The following REEP3 variants were observed in gnomAD, a reference collection of about 807,000 sequenced individuals.
REEP3 encodes the protein receptor accessory protein 3.
In REEP3, 20 loss-of-function variants were observed where a neutral mutation model predicts 41.3. That is an observed-to-expected ratio of 0.48 (90% CI 0.34 to 0.70). REEP3 has a LOEUF of 0.70. Ranked by LOEUF, REEP3 falls within the 30% of genes least tolerant of loss-of-function variation. REEP3 has a pLI of 0.01. For missense variants in REEP3, 271 were observed against 308.8 expected (o/e 0.88, Z 0.92); for synonymous variants, 104 against 101.8 (o/e 1.02, Z -0.13).
intron 2 of REEP3, among the ~76,000 whole-genome samples, chr10:63,569,136 G>A (rs1311077700): frequency 6.6e-6 from 1 of 152,056 alleles, no homozygotes; most frequent in African/African-American, 2.4e-5. Flanking sequence ...TATTTTAATT[G>A]GAATTCTCTT....
At position 63,525,422 on chromosome 10, in the gene REEP3, CT is replaced by C. The variant is rs1010779668; in HGVS notation, c.32+3858del. Reference sequence around the variant, plus strand: ...ACAGGCAAGATTGACAGATTAGTTACTTTTTTTTTTTTTGAGACGGAGTTTT... The same window carrying C: ...ACAGGCAAGATTGACAGATTAGTTACTTTTTTTTTTTTGAGACGGAGTTTT... On this transcript the variant is annotated intron_variant, in intron 1 of 7. Coordinates refer to ENST00000373758, the MANE Select transcript of REEP3 (RefSeq NM_001001330.3). Among the ~76,000 whole-genome samples the C allele has an allele frequency of 2.8e-3, 402 of 146,050 alleles. 1 individual carries two copies. Among genetic ancestry groups the C allele is most frequent in the Non-Finnish European group, 4.0e-3 (264 of 65,980 alleles).
chr10:63,553,274 A>G (rs1564476706), intron 1 of REEP3, among the ~76,000 whole-genome samples: 1 of 152,174 alleles, frequency 6.6e-6, no homozygotes, highest in Non-Finnish European at 1.5e-5. Flanking sequence ...AGTGATTTGA[A>G]TAAATGGAAT....
intron 1 of REEP3, among the ~76,000 whole-genome samples, chr10:63,541,305 C>T (rs1025069899): frequency 2.6e-5 from 4 of 152,072 alleles, no homozygotes; most frequent in African/African-American, 4.8e-5. Flanking sequence ...TGTGTCTAAC[C>T]GTATGACCTT....
At chr10:63,570,659 G>T (rs1955844279) in intron 2 of REEP3, among the ~76,000 whole-genome samples, 1 of 152,144 alleles carries the variant, frequency 6.6e-6, no homozygotes, top group African/African-American at 2.4e-5. Flanking sequence ...GGCTGGAGCT[G>T]GTTTGATAAT....
At chr10:63,599,062 T>A in intron 4 of REEP3, 108 bp from the exon 5 acceptor site, 1 of 615,234 alleles carries the variant, frequency 1.6e-6, no homozygotes, top group Non-Finnish European at 2.8e-6. Flanking sequence ...TATCAACACA[T>A]GCTTAATGCT....
chr10:63,525,941 A>G (rs1955360107), intron 1 of REEP3, among the ~76,000 whole-genome samples: 1 of 152,152 alleles, frequency 6.6e-6, no homozygotes, highest in African/African-American at 2.4e-5. Flanking sequence ...AACCTACCCC[A>G]TGGGATTAAA....
chr10:63,598,794 A>G (rs1033709657), intron 4 of REEP3, among the ~76,000 whole-genome samples: 1 of 151,286 alleles, frequency 6.6e-6, no homozygotes, highest in Non-Finnish European at 1.5e-5. Flanking sequence ...AAAAAAAAAA[A>G]AAAAAGAAGC....
chr10:63,572,956 G>A (rs1400712838), intron 2 of REEP3, among the ~76,000 whole-genome samples: 2 of 152,194 alleles, frequency 1.3e-5, no homozygotes, highest in East Asian at 3.8e-4. Context: ...CTGGGTTAGG[G>A]AGAATACAGT....
intron 1 of REEP3, among the ~76,000 whole-genome samples, chr10:63,552,115 A>G (rs1166851142): frequency 6.6e-6 from 1 of 152,166 alleles, no homozygotes; most frequent in Non-Finnish European, 1.5e-5. Context: ...TAAGAAATAC[A>G]GCACTGGGGC....
chr10:63,608,129 G>A (rs755428663), intron 5 of REEP3, among the ~76,000 whole-genome samples: 33 of 152,180 alleles, frequency 2.2e-4, no homozygotes, highest in African/African-American at 3.1e-4. Flanking sequence ...CAAGGCATCC[G>A]TTTCAGATGA....
chr10:63,561,064 G>C (rs779106565), intron 1 of REEP3, among the ~76,000 whole-genome samples: 22 of 152,122 alleles, frequency 1.4e-4, no homozygotes, highest in Non-Finnish European at 2.8e-4. Context: ...ACTCTTACAA[G>C]AAAGAGGTGT....
At chr10:63,567,202 T>A (rs1223461432) in intron 2 of REEP3, among the ~76,000 whole-genome samples, 1 of 148,056 alleles carries the variant, frequency 6.8e-6, no homozygotes, top group African/African-American at 2.5e-5. Flanking sequence ...CTCTTTTTTT[T>A]AAATTGAGGT....
At chr10:63,613,609 G>A (rs924674456) in intron 6 of REEP3, among the ~76,000 whole-genome samples, 4 of 152,092 alleles carry the variant, frequency 2.6e-5, no homozygotes, top group Non-Finnish European at 4.4e-5. Context: ...TTCTAGGACC[G>A]GAATAGGTGA....
intron 1 of REEP3, among the ~76,000 whole-genome samples, chr10:63,529,493 T>C (rs896454871): frequency 3.3e-5 from 5 of 152,138 alleles, no homozygotes; most frequent in Non-Finnish European, 7.3e-5. Context: ...GGTTTCACTC[T>C]GTCATCCAGG....
At chr10:63,545,103 A>G (rs932179621) in intron 1 of REEP3, among the ~76,000 whole-genome samples, 11 of 152,224 alleles carry the variant, frequency 7.2e-5, no homozygotes, top group African/African-American at 1.9e-4. Flanking sequence ...AGCTATTTGA[A>G]GCAAATGAAA....
chr10:63,532,111 AATTG>A lies in REEP3; in HGVS notation c.32+10538_32+10541del, dbSNP rs555391883. Among the ~76,000 whole-genome samples the A allele has an allele frequency of 5.4e-4, 82 of 152,328 alleles. 1 individual carries two copies. In the South Asian group the frequency reaches 0.016, roughly 30 times the overall value. The stretch of plus-strand genomic sequence containing the variant: ...AAGTTATAGTTTTTCCTGGTCTTAG[AATTG>A]ATTAAGACATTAGGATTAGAATACA... On this transcript the variant is annotated intron_variant, in intron 1 of 7. Coordinates refer to ENST00000373758, the MANE Select transcript of REEP3 (RefSeq NM_001001330.3).
At chr10:63,529,434 G>T (rs1955398115) in intron 1 of REEP3, among the ~76,000 whole-genome samples, 1 of 151,594 alleles carries the variant, frequency 6.6e-6, no homozygotes, top group Non-Finnish European at 1.5e-5. Flanking sequence ...GACTGGAAGT[G>T]AATGTCATTC....
chr10:63,578,074 GGTATGTAT>G (rs1487283561), intron 2 of REEP3, among the ~76,000 whole-genome samples: 1 of 151,890 alleles, frequency 6.6e-6, no homozygotes, highest in African/African-American at 2.4e-5. Flanking sequence ...GTTACTCTGT[GGTATGTAT>G]GTATGTATGT....
chr10:63,605,523 T>G (rs1956216698), intron 5 of REEP3, among the ~76,000 whole-genome samples: 1 of 152,234 alleles, frequency 6.6e-6, no homozygotes, highest in Non-Finnish European at 1.5e-5. Flanking sequence ...AAAGCATTGC[T>G]GGTTATATGT....
Sources: allele counts gnomAD v4.1 joint callset (sites outside exome capture counted in the v4.1 genomes callset), GRCh38; gene constraint gnomAD v4.1.1; transcripts MANE v1.5; gene names NCBI Gene and HGNC (gene_info 2026-07-23, HGNC 2026-07-21).